Variants in SSH2 observed in about 807,000 individuals in gnomAD.
The protein encoded by SSH2 is protein phosphatase Slingshot homolog 2.
In SSH2, 37 loss-of-function variants were observed where a neutral mutation model predicts 135.2. The ratio of observed to expected loss-of-function variants is 0.27; its 90% confidence interval spans 0.21 to 0.36. The LOEUF (loss-of-function observed/expected upper bound fraction) is 0.36. Among genes scored for constraint, SSH2 ranks in the 10% least tolerant of loss-of-function variants. The pLI, the probability that SSH2 is intolerant of heterozygous loss-of-function variation, is 1.00. For missense variants in SSH2, 1,408 were observed against 1,765.3 expected (o/e 0.80, Z 3.63); for synonymous variants, 628 against 646.2 (o/e 0.97, Z 0.43).
intron 1 of SSH2, among the ~76,000 whole-genome samples, chr17:29,877,465 A>G (rs2066055243): frequency 6.6e-6 from 1 of 152,224 alleles, no homozygotes; most frequent in African/African-American, 2.4e-5. Flanking sequence ...AAGATCTGGA[A>G]GCAACCTAAG....
intron 3 of SSH2, among the ~76,000 whole-genome samples, chr17:29,726,125 G>A (rs1598885015): frequency 1.3e-5 from 2 of 152,144 alleles, no homozygotes; most frequent in South Asian, 2.1e-4. Context: ...CACACTAACC[G>A]CCCTCTCCAG....
At position 29,632,574 on chromosome 17, in the gene SSH2, C is replaced by T. The variant is rs2035731342; in HGVS notation, c.2620G>A (p.Glu874Lys). The T allele has an allele frequency of 6.2e-7, 1 of 1,614,060 alleles. No homozygotes were observed. Among genetic ancestry groups the T allele is most frequent in the African/African-American group, 1.3e-5 (1 of 74,918 alleles). Residue 874 changes from glutamate (E) to lysine (K), a missense_variant, in exon 16 of 16, where the codon GAA becomes AAA. This residue lies in a region of SSH2 where 1,080 missense variants were observed against 1,144.5 expected (regional missense o/e 0.94). Coordinates refer to ENST00000540801, the MANE Select transcript of SSH2 (RefSeq NM_001282129.2). ...DLEEGEPAEG[E>K]QELQGSGMHP... The stretch of plus-strand genomic sequence containing the variant: ...ATCCCTGAGCCCTGGAGCTCTTGTT[C>T]CCCCTCAGCTGGTTCCCCTTCTTCC...
At chr17:29,760,195 T>C (rs1355706517) in intron 3 of SSH2, among the ~76,000 whole-genome samples, 1 of 152,180 alleles carries the variant, frequency 6.6e-6, no homozygotes, top group Non-Finnish European at 1.5e-5. Flanking sequence ...AGACCTTTAA[T>C]AAGGGATAAT....
chr17:29,741,311 T>C (rs1298176774), intron 3 of SSH2, among the ~76,000 whole-genome samples: 2 of 152,204 alleles, frequency 1.3e-5, no homozygotes, highest in East Asian at 1.9e-4. Context: ...CCTAGAAATA[T>C]GTATGTCCTT....
chr17:29,820,452 C>T (rs992151705), intron 2 of SSH2, among the ~76,000 whole-genome samples: 2 of 152,204 alleles, frequency 1.3e-5, no homozygotes, highest in Non-Finnish European at 2.9e-5. Flanking sequence ...TGGTATAAAA[C>T]AGATCGAGTC....
chr17:29,663,270 C>A (rs988697049), intron 11 of SSH2, among the ~76,000 whole-genome samples: 1 of 152,272 alleles, frequency 6.6e-6, no homozygotes, highest in Non-Finnish European at 1.5e-5. Flanking sequence ...CCTCTCTTTA[C>A]TCAATCTGGT....
chr17:29,678,288 G>C (rs576035339), intron 6 of SSH2, among the ~76,000 whole-genome samples: 1 of 152,186 alleles, frequency 6.6e-6, no homozygotes, highest in African/African-American at 2.4e-5. Context: ...TAGAGATGGG[G>C]TTTCACCATG....
At chr17:29,722,299 T>A (rs985824203) in intron 3 of SSH2, among the ~76,000 whole-genome samples, 12 of 149,982 alleles carry the variant, frequency 8.0e-5, no homozygotes, top group Non-Finnish European at 1.8e-4. Context: ...AAAGTCAGTG[T>A]AATTTACAAC....
At chr17:29,884,604 G>A (rs1304829234) in intron 1 of SSH2, among the ~76,000 whole-genome samples, 1 of 152,070 alleles carries the variant, frequency 6.6e-6, no homozygotes, top group Admixed American at 6.6e-5. Flanking sequence ...CAGCTGGTCC[G>A]CAACTGAACT....
At chr17:29,658,896 A>G (rs1335678629) in intron 11 of SSH2, among the ~76,000 whole-genome samples, 1 of 150,822 alleles carries the variant, frequency 6.6e-6, no homozygotes, top group African/African-American at 2.4e-5. Flanking sequence ...AAAAAAAGTA[A>G]ACTAAGAGGT....
intron 15 of SSH2, among the ~76,000 whole-genome samples, chr17:29,634,795 G>C (rs1272487381): frequency 6.6e-6 from 1 of 151,848 alleles, no homozygotes; most frequent in African/African-American, 2.4e-5. Flanking sequence ...TCGTGATCTG[G>C]CTGCCTCAGC....
At chr17:29,715,907 C>T (rs997543693) in intron 3 of SSH2, among the ~76,000 whole-genome samples, 23 of 152,180 alleles carry the variant, frequency 1.5e-4, no homozygotes, top group Admixed American at 1.3e-3. Context: ...CCCTCTCCTA[C>T]TCCTTTCCAC....
chr17:29,829,898 G>A (rs2042812446), intron 2 of SSH2, among the ~76,000 whole-genome samples: 1 of 149,248 alleles, frequency 6.7e-6, no homozygotes. Flanking sequence ...GGAGTGCAGT[G>A]GTGCAATCTC....
intron 2 of SSH2, among the ~76,000 whole-genome samples, chr17:29,842,274 C>A (rs983768722): frequency 6.6e-6 from 1 of 151,570 alleles, no homozygotes; most frequent in African/African-American, 2.4e-5. Context: ...GCTAACATGA[C>A]GAAACCCTGT....
chr17:29,840,065 T>C (rs1568006837), intron 2 of SSH2, among the ~76,000 whole-genome samples: 1 of 152,174 alleles, frequency 6.6e-6, no homozygotes, highest in African/African-American at 2.4e-5. Context: ...AAAGGGTAAA[T>C]TTTTCCCAAG....
At chr17:29,740,200 G>T (rs1333325292) in intron 3 of SSH2, among the ~76,000 whole-genome samples, 1 of 152,144 alleles carries the variant, frequency 6.6e-6, no homozygotes, top group African/African-American at 2.4e-5. Context: ...GATGAGCTGC[G>T]GGCAGAGATC....
chr17:29,684,749 C>T, intron 5 of SSH2, 65 bp from the exon 6 acceptor site: 1 of 1,493,810 alleles, frequency 6.7e-7, no homozygotes, highest in Non-Finnish European at 9.2e-7. Flanking sequence ...TCATTTCAAC[C>T]CTTTTTCATC....
chr17:29,826,457 T>A (rs879448358), intron 2 of SSH2, among the ~76,000 whole-genome samples: 4 of 152,212 alleles, frequency 2.6e-5, no homozygotes, highest in Admixed American at 6.5e-5. Flanking sequence ...TATTGTATTA[T>A]ACAAGATGCT....
chr17:29,675,597 C>T (rs956809967), intron 8 of SSH2, among the ~76,000 whole-genome samples: 2 of 151,880 alleles, frequency 1.3e-5, no homozygotes, highest in Admixed American at 1.3e-4. Context: ...AGTTCAAGAC[C>T]AGCCTGGGCA....
Sources: gnomAD v4.1 joint callset for allele counts (sites outside exome capture counted in the v4.1 genomes callset) on GRCh38, gnomAD v4.1.1 for gene constraint, gnomAD v4.1.1 regional missense constraint, MANE v1.5 for transcripts, NCBI Gene and HGNC (gene_info 2026-07-23, HGNC 2026-07-21) for gene names.